PCDHA6: variants seen among roughly 807,000 people sequenced by gnomAD.
PCDHA6 encodes the protein protocadherin alpha-6.
In PCDHA6, 55 loss-of-function variants were observed where a neutral mutation model predicts 60.3. The observed-to-expected ratio is 0.91, with a 90% CI of 0.73 to 1.14. The LOEUF is 1.14. Ranked by LOEUF, PCDHA6 falls within the 50% of genes most tolerant of loss-of-function variation. PCDHA6 has a pLI of 0.00. For synonymous variants in PCDHA6, 652 were observed against 557.9 expected, an observed-to-expected ratio of 1.17 and a Z score of -2.38; for missense variants, 1,327 against 1,256.5, an observed-to-expected ratio of 1.06 and a Z score of -0.85.
chr5:141,000,395 C>CTCTCTA (rs1213762225), intron 3 of PCDHA6, among the ~76,000 whole-genome samples: 5 of 53,980 alleles, frequency 9.3e-5, no homozygotes, highest in East Asian at 6.1e-4. Flanking sequence ...CTCTCTCTCT[C>CTCTCTA]TATATATATA....
intron 1 of PCDHA6, chr5:140,928,160 C>T (rs782224079): frequency 1.2e-6 from 2 of 1,614,094 alleles, no homozygotes; most frequent in Non-Finnish European, 1.7e-6. Context: ...AGTGGCTCAC[C>T]CCCACTTAGC....
At chr5:141,005,909 T>C (rs1368661717) in intron 3 of PCDHA6, among the ~76,000 whole-genome samples, 1 of 151,946 alleles carries the variant, frequency 6.6e-6, no homozygotes, top group African/African-American at 2.4e-5. Context: ...ATTGCACCAC[T>C]GCACTTCAGC....
intron 1 of PCDHA6, chr5:140,968,774 C>T (rs2096269643): frequency 6.2e-7 from 1 of 1,614,088 alleles, no homozygotes. Flanking sequence ...AGAGCCATCA[C>T]TATCAGCCTC....
chr5:140,833,414 G>A (rs1408450757), intron 1 of PCDHA6, among the ~76,000 whole-genome samples: 1 of 152,196 alleles, frequency 6.6e-6, no homozygotes, highest in Non-Finnish European at 1.5e-5. Flanking sequence ...AAGGGCTGCT[G>A]TATGTGAGAT....
At chr5:140,974,865 G>A (rs1042029401) in intron 1 of PCDHA6, among the ~76,000 whole-genome samples, 7 of 152,026 alleles carry the variant, frequency 4.6e-5, no homozygotes, top group African/African-American at 1.4e-4. Context: ...GCCTTAATGC[G>A]GAACAGTCTA....
intron 1 of PCDHA6, chr5:140,884,197 G>A (rs146010500): frequency 3.1e-6 from 5 of 1,613,234 alleles, no homozygotes; most frequent in Non-Finnish European, 4.2e-6. Context: ...TGGACGCGCC[G>A]CACCACCGCC....
chr5:140,890,702 A>G (rs552792120), intron 1 of PCDHA6, among the ~76,000 whole-genome samples: 1 of 152,318 alleles, frequency 6.6e-6, no homozygotes, highest in African/African-American at 2.4e-5. Flanking sequence ...GGGACCTTAC[A>G]TTTTTAAAAT....
At chr5:140,945,488 C>T (rs1362622912) in intron 1 of PCDHA6, among the ~76,000 whole-genome samples, 1 of 151,910 alleles carries the variant, frequency 6.6e-6, no homozygotes, top group Non-Finnish European at 1.5e-5. Flanking sequence ...ACCCCAAATA[C>T]CCAAAGCAAT....
At chr5:140,928,594 GAA>G in intron 1 of PCDHA6, 2 of 1,614,204 alleles carry the variant, frequency 1.2e-6, no homozygotes, top group Non-Finnish European at 1.7e-6. Flanking sequence ...TGTCCCAGTG[GAA>G]ATTGTGCCCC....
At chr5:140,856,444 C>G in intron 1 of PCDHA6, 1 of 1,598,432 alleles carries the variant, frequency 6.3e-7, no homozygotes, top group Non-Finnish European at 8.6e-7. Flanking sequence ...CGCCCAGGTT[C>G]TCCGTAACAG....
chr5:140,847,503 C>G lies in PCDHA6; in HGVS notation c.2394+17018C>G, dbSNP rs1445726989. 5 of 149,698 alleles carry G rather than the reference C, an allele frequency of 3.3e-5. 1 individual carries two copies. Among genetic ancestry groups the G allele is most frequent in the Non-Finnish European group, 7.5e-5 (5 of 66,942 alleles). The allele number at this position is 149,698 out of a possible 1,614,324, so 9.3% of individuals were successfully genotyped here. Reference sequence around the variant, plus strand: ...TAAGATAGTAAAACTCACAACAAAACTTTGTAGAACTTAGTCAGGAAAAGA... The same window carrying G: ...TAAGATAGTAAAACTCACAACAAAAGTTTGTAGAACTTAGTCAGGAAAAGA... On this transcript the variant is annotated intron_variant, in intron 1 of 3. Transcript: ENST00000529310.
At chr5:140,918,941 T>C (rs1476342004) in intron 1 of PCDHA6, among the ~76,000 whole-genome samples, 1 of 152,228 alleles carries the variant, frequency 6.6e-6, no homozygotes, top group East Asian at 1.9e-4. Context: ...TTTGTTATAA[T>C]ATCCTGAACA....
chr5:140,870,271 C>T (rs2051826884), intron 1 of PCDHA6: 1 of 1,614,176 alleles, frequency 6.2e-7, no homozygotes, highest in Non-Finnish European at 8.5e-7. Flanking sequence ...CTCGCTGACG[C>T]CCCACGTTCC....
In PCDHA6 at chr5:141,012,204, T is replaced by C. The variant is rs1053312501; in HGVS notation, c.*2267T>C. The C allele has an allele frequency of 1.3e-5, 2 of 153,800 alleles. No homozygotes were observed. Among genetic ancestry groups the C allele is most frequent in the African/African-American group, 4.8e-5 (2 of 41,474 alleles). 9.5% of individuals were successfully genotyped at this position (153,800 alleles called of 1,614,324 possible). On this transcript the variant is annotated 3_prime_UTR_variant, in exon 4 of 4. Transcript: ENST00000529310. ...TATAATGTATCTGTACAGCACTTTT[T>C]ACATTTGCGAAGTGCTTTCCAATCC...
chr5:140,949,935 T>C (rs1554219235), intron 1 of PCDHA6, among the ~76,000 whole-genome samples: 1 of 151,898 alleles, frequency 6.6e-6, no homozygotes, highest in East Asian at 1.9e-4. Context: ...TTTTTTTTAA[T>C]TTGCATTTTT....
At chr5:140,930,209 T>C (rs752393887) in intron 1 of PCDHA6, 4 of 152,266 alleles carry the variant, frequency 2.6e-5, no homozygotes, top group Non-Finnish European at 5.9e-5. Flanking sequence ...GAAATATTTA[T>C]GTGTTCAAAG....
intron 3 of PCDHA6, among the ~76,000 whole-genome samples, chr5:140,995,291 G>A (rs958346050): frequency 1.4e-4 from 22 of 152,086 alleles, no homozygotes; most frequent in African/African-American, 4.6e-4. Flanking sequence ...ACAGCCAGTC[G>A]GATACCAAGA....
chr5:140,931,430 A>G (rs1431087207), intron 1 of PCDHA6, among the ~76,000 whole-genome samples: 2 of 149,950 alleles, frequency 1.3e-5, no homozygotes, highest in Non-Finnish European at 3.0e-5. Flanking sequence ...AGTTAGAAGG[A>G]AAATTAGCTA....
rs2096830713 is a variant in PCDHA6 at position 140,978,969 on chromosome 5, C to G, written c.2415C>G (p.Asp805Glu). 4 of 1,614,092 alleles carry G rather than the reference C, an allele frequency of 2.5e-6. No homozygotes were observed. The highest frequency in any genetic ancestry group is 1.6e-4 in the Middle Eastern group (1 of 6,084). ...TGCAGCCACGACAGCCCAACCCTGACTGGCGTTACTCTGCCTCCCTGAGAG... is the reference window on the plus strand; with the variant it reads ...TGCAGCCACGACAGCCCAACCCTGAGTGGCGTTACTCTGCCTCCCTGAGAG... ...HDAKPRQPNP[D>E]WRYSASLRAG... The change falls in exon 2 of 4, where the codon GAC becomes GAG. Residue 805 changes from aspartate (D) to glutamate (E), a missense_variant. Coordinates refer to ENST00000529310, the MANE Select transcript of PCDHA6 (RefSeq NM_018909.4).
Sources: gnomAD v4.1 joint callset for allele counts (sites outside exome capture counted in the v4.1 genomes callset) on GRCh38, gnomAD v4.1.1 for gene constraint, MANE v1.5 for transcripts, NCBI Gene and HGNC (gene_info 2026-07-23, HGNC 2026-07-21) for gene names.